Variants in ARPP21 observed in about 807,000 individuals in gnomAD.
ARPP21 encodes the protein cAMP regulated phosphoprotein 21.
A neutral mutation model predicts 113.2 loss-of-function variants in ARPP21; 69 were observed. The ratio of observed to expected loss-of-function variants is 0.61; its 90% CI spans 0.50 to 0.74. The LOEUF (loss-of-function observed/expected upper bound fraction) is 0.74. Among genes scored for constraint, ARPP21 ranks in the 30% least tolerant of loss-of-function variants. ARPP21 has a pLI of 0.00. For missense variants in ARPP21, 1,070 were observed against 1,037.4 expected (o/e 1.03, Z -0.43); for synonymous variants, 368 against 375.5 (o/e 0.98, Z 0.23).
chr3:35,759,401 G>A (rs1034703981), intron 19 of ARPP21, among the ~76,000 whole-genome samples: 3 of 151,980 alleles, frequency 2.0e-5, no homozygotes, highest in Non-Finnish European at 4.4e-5. Flanking sequence ...ATATACCGTT[G>A]TTGTTCATTT....
In ARPP21 at chr3:35,781,914, T is replaced by G. The variant is rs984078602; in HGVS notation, c.2138-10468T>G. Reference sequence around the variant, plus strand: ...TAAATTTATATCAAACTTAGTTGTGTTGTTGTTGTTTTCAATGAGCTATAC... The same window carrying G: ...TAAATTTATATCAAACTTAGTTGTGGTGTTGTTGTTTTCAATGAGCTATAC... On this transcript the variant is annotated intron_variant, in intron 19 of 20. Coordinates refer to ENST00000684406, the MANE Select transcript of ARPP21 (RefSeq NM_001385562.1). Among the ~76,000 whole-genome samples the G allele has an allele frequency of 2.0e-5, 3 of 152,306 alleles. No individual in the cohort carries two copies. In the South Asian group the frequency reaches 6.2e-4, roughly 32 times the overall value.
chr3:35,642,700 G>A (rs1044841352), intron 1 of ARPP21, among the ~76,000 whole-genome samples: 3 of 152,116 alleles, frequency 2.0e-5, no homozygotes, highest in African/African-American at 2.4e-5. Context: ...TTCGGTGAAA[G>A]GTTTGGAGCT....
intron 9 of ARPP21, among the ~76,000 whole-genome samples, chr3:35,703,321 GTT>G (rs2149898782): frequency 6.6e-6 from 1 of 151,962 alleles, no homozygotes; most frequent in South Asian, 2.1e-4. Context: ...GAACACAAGA[GTT>G]TGATTATCTT....
chr3:35,702,924 A>G (rs1311589991), intron 9 of ARPP21, among the ~76,000 whole-genome samples: 1 of 151,818 alleles, frequency 6.6e-6, no homozygotes, highest in Non-Finnish European at 1.5e-5. Flanking sequence ...AGATTTCTCT[A>G]ATTTGTTTGA....
chr3:35,778,681 G>T (rs1268875547), intron 19 of ARPP21, among the ~76,000 whole-genome samples: 1 of 152,072 alleles, frequency 6.6e-6, no homozygotes, highest in Non-Finnish European at 1.5e-5. Context: ...ACTCTGAGGA[G>T]ATGGGGGAAA....
chr3:35,653,182 A>G (rs1380701344), intron 1 of ARPP21, among the ~76,000 whole-genome samples: 1 of 152,048 alleles, frequency 6.6e-6, no homozygotes, highest in African/African-American at 2.4e-5. Flanking sequence ...TGCCTATGTA[A>G]TGTCCATACC....
Position 35,754,675 on chromosome 3 carries a change from T to C in ARPP21, c.2137+10710T>C, listed in dbSNP as rs562395181. Among the ~76,000 whole-genome samples the C allele has an allele frequency of 1.1e-4, 17 of 152,042 alleles. No homozygotes were observed. The South Asian group carries it at 3.5e-3, about 32-fold the overall frequency. On this transcript the variant is annotated intron_variant, in intron 19 of 20. Coordinates refer to ENST00000684406, the MANE Select transcript of ARPP21 (RefSeq NM_001385562.1). Reference sequence around the variant, plus strand: ...TTTTAGACCTAAAAATCTTACACATTCCCAAAAACGGTATAGATGGCCAGG... The same window carrying C: ...TTTTAGACCTAAAAATCTTACACATCCCCAAAAACGGTATAGATGGCCAGG...
chr3:35,691,131 T>C, intron 9 of ARPP21, 126 bp downstream of exon 9: 3 of 1,015,904 alleles, frequency 3.0e-6, no homozygotes, highest in Non-Finnish European at 4.1e-6. Context: ...CTCTTGCTCT[T>C]ATCAGAAGTA....
At chr3:35,743,612 T>A (rs576824079) in intron 18 of ARPP21, among the ~76,000 whole-genome samples, 87 of 152,306 alleles carry the variant, frequency 5.7e-4, no homozygotes, top group African/African-American at 1.9e-3. Flanking sequence ...TTCTGCCTCA[T>A]GGCGTTGGTA....
At chr3:35,654,732 G>A (rs1405198284) in intron 1 of ARPP21, among the ~76,000 whole-genome samples, 1 of 151,948 alleles carries the variant, frequency 6.6e-6, no homozygotes, top group Non-Finnish European at 1.5e-5. Flanking sequence ...TACCCTCAAG[G>A]AGTCAGTTTC....
chr3:35,706,467 T>G (rs2089106809), intron 9 of ARPP21, among the ~76,000 whole-genome samples: 1 of 152,200 alleles, frequency 6.6e-6, no homozygotes, highest in Admixed American at 6.5e-5. Context: ...ATTCCAGAGC[T>G]TTCGTTATTG....
At chr3:35,689,239 G>A (rs554931984) in intron 6 of ARPP21, 68 bp from the exon 7 acceptor site, 7 of 791,790 alleles carry the variant, frequency 8.8e-6, no homozygotes, top group Middle Eastern at 2.3e-4. Context: ...AGGATAGGTT[G>A]GGGAAACCTT....
chr3:35,750,880 C>T (rs1267937780), intron 19 of ARPP21, among the ~76,000 whole-genome samples: 1 of 152,160 alleles, frequency 6.6e-6, no homozygotes, highest in African/African-American at 2.4e-5. Flanking sequence ...GTCCTGTGAA[C>T]AGTGATTGGG....
intron 19 of ARPP21, among the ~76,000 whole-genome samples, chr3:35,745,344 G>A (rs1056250572): frequency 6.6e-6 from 1 of 152,114 alleles, no homozygotes; most frequent in Non-Finnish European, 1.5e-5. Context: ...TTATGCTAAC[G>A]TTAATTAAAG....
chr3:35,721,472 G>A (rs983555334), intron 13 of ARPP21, 133 bp from the exon 14 acceptor site: 3 of 621,694 alleles, frequency 4.8e-6, no homozygotes, highest in African/African-American at 3.7e-5. Flanking sequence ...GAGGCAACTG[G>A]TTTAATGAAA....
At chr3:35,672,138 C>T (rs2149334629) in intron 1 of ARPP21, among the ~76,000 whole-genome samples, 1 of 152,008 alleles carries the variant, frequency 6.6e-6, no homozygotes, top group East Asian at 1.9e-4. Flanking sequence ...TGCTTCAGTC[C>T]TCTGAGTTGC....
In ARPP21 at chr3:35,690,143, A is replaced by G; in HGVS notation, c.545+3A>G. On this transcript the variant is annotated splice_donor_region_variant and intron_variant, in intron 8 of 20. Coordinates refer to ENST00000684406, the MANE Select transcript of ARPP21 (RefSeq NM_001385562.1). ...ATTGATTTCATTGCTGACAACAAGTATGTTAAACTTCAATGCTGGTTAATT... is the reference window on the plus strand; with the variant it reads ...ATTGATTTCATTGCTGACAACAAGTGTGTTAAACTTCAATGCTGGTTAATT... The G allele has an allele frequency of 1.4e-6, 2 of 1,395,548 alleles. No individual in the cohort carries two copies. Among genetic ancestry groups the G allele is most frequent in the Non-Finnish European group, 2.0e-6 (2 of 982,010 alleles). The allele number at this position is 1,395,548 out of a possible 1,614,324, so 86.4% of individuals were successfully genotyped here. A position where few individuals can be genotyped will look rare whatever the true frequency, so the allele number is the denominator to read the frequency against.
rs530112492 is a variant in ARPP21, at chr3:35,751,858, T to A, written c.2137+7893T>A. On this transcript the variant is annotated intron_variant, in intron 19 of 20. Coordinates refer to ENST00000684406, the MANE Select transcript of ARPP21 (RefSeq NM_001385562.1). Reference sequence around the variant, plus strand: ...TCTGACAAAGTCTGACTTGTCAGAGTCTACTCTGCCTATGTAAACTCAAAA... The same window carrying A: ...TCTGACAAAGTCTGACTTGTCAGAGACTACTCTGCCTATGTAAACTCAAAA... 2.9e-4 allele frequency among the ~76,000 whole-genome samples: 44 copies of A among 152,146 alleles called. 1 individual carries two copies. In the South Asian group the frequency reaches 8.9e-3, roughly 31 times the overall value.
In ARPP21 at chr3:35,793,883, T is replaced by C. The variant is rs921994589; in HGVS notation, c.2469T>C (p.Thr823=). The part of the protein sequence containing the change: ...RLIGPHCPSS[T]VPVMSASCRT... Reference sequence around the variant, plus strand: ...TTGGCCCACACTGCCCCTCCAGCACTGTCCCAGTGATGTCAGCTAGCTGCA... The same window carrying C: ...TTGGCCCACACTGCCCCTCCAGCACCGTCCCAGTGATGTCAGCTAGCTGCA... The change falls in exon 21 of 21, where the codon ACT becomes ACC. Residue 823 remains threonine (T), a synonymous_variant. Coordinates refer to ENST00000684406, the MANE Select transcript of ARPP21 (RefSeq NM_001385562.1). 5.6e-6 allele frequency: 9 copies of C among 1,614,138 alleles called. No homozygotes were observed. Among genetic ancestry groups the C allele is most frequent in the Non-Finnish European group, 7.6e-6 (9 of 1,179,988 alleles).
Sources: allele counts gnomAD v4.1 joint callset (sites outside exome capture counted in the v4.1 genomes callset), GRCh38; gene constraint gnomAD v4.1.1; transcripts MANE v1.5; gene names NCBI Gene and HGNC (gene_info 2026-07-23, HGNC 2026-07-21).